THEMIS: variants seen among roughly 807,000 people sequenced by gnomAD.
The protein encoded by THEMIS is thymocyte selection associated, also known as protein THEMIS.
In THEMIS, 37 loss-of-function variants were observed where a neutral mutation model predicts 52.6. The observed-to-expected ratio is 0.70, with a 90% CI of 0.54 to 0.93. The LOEUF is 0.93. Among genes scored for constraint, THEMIS ranks in the 40% least tolerant of loss-of-function variants. THEMIS has a pLI of 0.00. For synonymous variants in THEMIS, 292 were observed against 272.7 expected, an observed-to-expected ratio of 1.07 and a Z score of -0.70; for missense variants, 808 against 763.1, an observed-to-expected ratio of 1.06 and a Z score of -0.69.
intron 4 of THEMIS, among the ~76,000 whole-genome samples, chr6:127,774,229 G>A (rs1473307490): frequency 6.6e-6 from 1 of 152,106 alleles, no homozygotes; most frequent in South Asian, 2.1e-4. Context: ...TCTTTGAGAC[G>A]GAGTCTCGCT....
intron 4 of THEMIS, among the ~76,000 whole-genome samples, chr6:127,756,829 T>C (rs1775843359): frequency 6.6e-6 from 1 of 152,186 alleles, no homozygotes; most frequent in African/African-American, 2.4e-5. Context: ...CTGGGATTGT[T>C]TTTTCTGATA....
chr6:127,735,776 C>T (rs1774984695), intron 4 of THEMIS, among the ~76,000 whole-genome samples: 1 of 152,150 alleles, frequency 6.6e-6, no homozygotes, highest in African/African-American at 2.4e-5. Context: ...ACATGGTCAA[C>T]TCTGTGCCAC....
intron 4 of THEMIS, among the ~76,000 whole-genome samples, chr6:127,742,762 T>C: frequency 6.6e-6 from 1 of 150,582 alleles, no homozygotes; most frequent in African/African-American, 2.4e-5. Context: ...TGTCAGGGGC[T>C]GGGGGTGGGG....
chr6:127,720,701 T>A (rs549709601), intron 4 of THEMIS, among the ~76,000 whole-genome samples: 6 of 152,120 alleles, frequency 3.9e-5, no homozygotes, highest in African/African-American at 1.2e-4. Flanking sequence ...ATATATTGCA[T>A]GAAATTCATT....
intron 4 of THEMIS, among the ~76,000 whole-genome samples, chr6:127,749,658 A>G (rs946570388): frequency 4.0e-5 from 6 of 151,784 alleles, no homozygotes; most frequent in African/African-American, 1.5e-4. Context: ...GAAGACCCCA[A>G]TTAAATAATC....
At chr6:127,746,015 A>G (rs1468860258) in intron 4 of THEMIS, among the ~76,000 whole-genome samples, 3 of 151,896 alleles carry the variant, frequency 2.0e-5, no homozygotes, top group Admixed American at 2.0e-4. Context: ...TAAGCTTTAG[A>G]GCATAAATTG....
At chr6:127,801,776 C>A (rs1375951129) in intron 4 of THEMIS, among the ~76,000 whole-genome samples, 2 of 152,266 alleles carry the variant, frequency 1.3e-5, no homozygotes, top group East Asian at 1.9e-4. Context: ...ACCCCCAACA[C>A]CCCTGTGTGC....
rs778291597 is a variant in THEMIS at position 127,710,045 on chromosome 6, G to T, written c.1895-29C>A. 12 of 1,474,248 alleles carry T rather than the reference G, an allele frequency of 8.1e-6. No individual in the cohort carries two copies. The Admixed American group carries it at 1.4e-4, about 17-fold the overall frequency. 91.3% of individuals were successfully genotyped at this position (1,474,248 alleles called of 1,614,324 possible). A position where few individuals can be genotyped will look rare whatever the true frequency, so the allele number is the denominator to read the frequency against. ...TAAATAAAAAAAGAAGGGTTTATCA[G>T]AAATAAGTATTGAAAATAACCAGAA... is the stretch of plus-strand genomic sequence containing the variant. On this transcript the variant is annotated intron_variant, in intron 5 of 5. Transcript: ENST00000368248.
chr6:127,883,740 T>TTTATAATC, intron 1 of THEMIS, among the ~76,000 whole-genome samples: 1 of 152,276 alleles, frequency 6.6e-6, no homozygotes, highest in Non-Finnish European at 1.5e-5. Context: ...AAAATAAGAT[T>TTTATAATC]TGTGCTCAAT....
chr6:127,879,093 A>G (rs1224034739), intron 1 of THEMIS, among the ~76,000 whole-genome samples: 1 of 152,120 alleles, frequency 6.6e-6, no homozygotes, highest in African/African-American at 2.4e-5. Context: ...TCAATTTAGG[A>G]AAAAAAATCT....
intron 2 of THEMIS, among the ~76,000 whole-genome samples, chr6:127,838,910 C>T (rs1778956696): frequency 1.3e-5 from 2 of 152,070 alleles, no homozygotes; most frequent in East Asian, 3.9e-4. Context: ...ACTAGTACCA[C>T]TATTGTAAAA....
chr6:127,728,379 C>T (rs1039649540), intron 4 of THEMIS, among the ~76,000 whole-genome samples: 10 of 152,146 alleles, frequency 6.6e-5, no homozygotes, highest in African/African-American at 2.4e-4. Context: ...GAAGGGAAAG[C>T]AAAAGCCTCT....
chr6:127,777,079 G>A (rs527799439), intron 4 of THEMIS, among the ~76,000 whole-genome samples: 3 of 151,406 alleles, frequency 2.0e-5, no homozygotes, highest in Non-Finnish European at 4.4e-5. Context: ...ACAGCATACA[G>A]TTGAGTATTT....
intron 1 of THEMIS, among the ~76,000 whole-genome samples, chr6:127,896,499 A>T (rs1780971611): frequency 6.6e-6 from 1 of 151,566 alleles, no homozygotes; most frequent in Admixed American, 6.6e-5. Flanking sequence ...TTAAATAACT[A>T]AAGAGCTATA....
At chr6:127,872,065 G>A (rs1780174111) in intron 1 of THEMIS, among the ~76,000 whole-genome samples, 1 of 152,060 alleles carries the variant, frequency 6.6e-6, no homozygotes, top group South Asian at 2.1e-4. Flanking sequence ...CAGAAATTTA[G>A]CAAATAGAAT....
intron 4 of THEMIS, among the ~76,000 whole-genome samples, chr6:127,742,993 G>T (rs1430762939): frequency 1.3e-5 from 2 of 151,884 alleles, no homozygotes; most frequent in African/African-American, 4.8e-5. Context: ...CTTGGATTTT[G>T]CAAAAATCAT....
chr6:127,824,637 G>A (rs1778444129), intron 3 of THEMIS, among the ~76,000 whole-genome samples: 1 of 151,982 alleles, frequency 6.6e-6, no homozygotes, highest in African/African-American at 2.4e-5. Context: ...ATATTTTGCA[G>A]TGAACGCTTG....
chr6:127,751,564 C>A (rs1284650111), intron 4 of THEMIS, among the ~76,000 whole-genome samples: 1 of 151,162 alleles, frequency 6.6e-6, no homozygotes, highest in Admixed American at 6.6e-5. Flanking sequence ...GACTTTAAGT[C>A]AAAAATTATC....
At chr6:127,830,190 C>T (rs1427201192) in intron 2 of THEMIS, among the ~76,000 whole-genome samples, 1 of 152,106 alleles carries the variant, frequency 6.6e-6, no homozygotes, top group Non-Finnish European at 1.5e-5. Flanking sequence ...AGAAAAGAAA[C>T]TGTTCTTGGA....
Sources: allele counts gnomAD v4.1 joint callset (sites outside exome capture counted in the v4.1 genomes callset), GRCh38; gene constraint gnomAD v4.1.1; transcripts MANE v1.5; gene names NCBI Gene and HGNC (gene_info 2026-07-23, HGNC 2026-07-21).